Variants in SPATA7 observed in about 807,000 individuals in gnomAD.
SPATA7 encodes spermatogenesis-associated protein 7.
Under a neutral mutation model 51.8 loss-of-function variants are expected in SPATA7, and 43 were observed. That is an observed-to-expected ratio of 0.83 (90% CI 0.65 to 1.07). The LOEUF (loss-of-function observed/expected upper bound fraction) is 1.07. Ranked by LOEUF, SPATA7 falls within the 50% of genes least tolerant of loss-of-function variation. The pLI, the probability that SPATA7 is intolerant of heterozygous loss-of-function variation, is 0.00. For synonymous variants in SPATA7, 230 were observed against 252.8 expected, an observed-to-expected ratio of 0.91 and a Z score of 0.86; for missense variants, 683 against 701.3, an observed-to-expected ratio of 0.97 and a Z score of 0.30.
chr14:88,457,004 T>C (rs2140056299), downstream of SPATA7, among the ~76,000 whole-genome samples: 1 of 152,330 alleles, frequency 6.6e-6, no homozygotes. Flanking sequence ...TTTGTTGTTT[T>C]TGTCAGGTTT....
At chr14:88,426,170 C>G (rs2076785254) in intron 5 of SPATA7, 62 bp from the exon 6 acceptor site, 6 of 1,236,956 alleles carry the variant, frequency 4.9e-6, no homozygotes, top group South Asian at 1.3e-5. Flanking sequence ...TGTATAATCT[C>G]AAAATCCCCA....
chr14:88,412,358 G>T (rs775831468), intron 4 of SPATA7, among the ~76,000 whole-genome samples: 19 of 151,954 alleles, frequency 1.3e-4, no homozygotes, highest in Non-Finnish European at 2.4e-4. Flanking sequence ...ACAATAGGCC[G>T]TCTGCAGGCT....
chr14:88,402,978 A>AC (rs2076108824), intron 4 of SPATA7, among the ~76,000 whole-genome samples: 2 of 151,168 alleles, frequency 1.3e-5, no homozygotes, highest in African/African-American at 2.4e-5. Context: ...AAAAAAAAAA[A>AC]AAAAACCCAA....
At chr14:88,416,654 C>A in intron 4 of SPATA7, 57 bp from the exon 5 acceptor site, 3 of 1,588,716 alleles carry the variant, frequency 1.9e-6, no homozygotes, top group Non-Finnish European at 2.6e-6. Flanking sequence ...CTAACAAGAC[C>A]AAAAAACCAA....
intron 5 of SPATA7, among the ~76,000 whole-genome samples, chr14:88,417,912 A>G (rs1490485093): frequency 6.6e-6 from 1 of 152,152 alleles, no homozygotes; most frequent in African/African-American, 2.4e-5. Context: ...AATTTGGTGG[A>G]ACTCAACATT....
At chr14:88,402,974 A>C (rs998893957) in intron 4 of SPATA7, among the ~76,000 whole-genome samples, 1 of 147,884 alleles carries the variant, frequency 6.8e-6, no homozygotes, top group Admixed American at 6.6e-5. Context: ...AAAAAAAAAA[A>C]AAAAAAAAAC....
downstream of SPATA7, among the ~76,000 whole-genome samples, chr14:88,441,002 C>G (rs1238988152): frequency 6.6e-6 from 1 of 152,130 alleles, no homozygotes; most frequent in East Asian, 1.9e-4. Context: ...CCTCAGCCCC[C>G]AAAGTCCATT....
downstream of SPATA7, among the ~76,000 whole-genome samples, chr14:88,456,264 A>G (rs1443576644): frequency 2.6e-5 from 4 of 152,172 alleles, no homozygotes; most frequent in East Asian, 3.9e-4. Context: ...GGGTCAAATG[A>G]TATTTCTAGT....
chr14:88,387,623 T>G (rs2075617392), intron 1 of SPATA7, among the ~76,000 whole-genome samples: 1 of 152,212 alleles, frequency 6.6e-6, no homozygotes, highest in East Asian at 1.9e-4. Flanking sequence ...GTTTTAGACA[T>G]TCTTTTGTAA....
At chr14:88,449,139 C>G (rs2077234184) in intron 3 of SPATA7, among the ~76,000 whole-genome samples, 1 of 151,944 alleles carries the variant, frequency 6.6e-6, no homozygotes. Flanking sequence ...TTCTCTAACT[C>G]CTTGAGGTGT....
intron 3 of SPATA7, among the ~76,000 whole-genome samples, chr14:88,394,423 T>A (rs977434383): frequency 3.3e-5 from 5 of 152,180 alleles, no homozygotes. Context: ...TCGTTTTGGG[T>A]CTGGCTTTTT....
intron 5 of SPATA7, among the ~76,000 whole-genome samples, chr14:88,422,481 A>G (rs1404141386): frequency 1.3e-5 from 2 of 151,686 alleles, no homozygotes; most frequent in East Asian, 3.9e-4. Flanking sequence ...ATTATTCAGC[A>G]TGAGTATAAA....
At chr14:88,417,480 G>A (rs56169855) in intron 5 of SPATA7, among the ~76,000 whole-genome samples, 5,324 of 151,674 alleles carry the variant, frequency 0.035, 302 homozygotes, top group African/African-American at 0.12. Context: ...TAATTTTTGT[G>A]TTTTCAGTAG....
intron 4 of SPATA7, among the ~76,000 whole-genome samples, chr14:88,399,324 A>G (rs757832717): frequency 6.6e-6 from 1 of 152,132 alleles, no homozygotes; most frequent in African/African-American, 2.4e-5. Context: ...TCCCTTTTCT[A>G]TTCTTTTTAT....
Position 88,389,248 on chromosome 14 carries a change from G to A in SPATA7, c.20-2133G>A, listed in dbSNP as rs191927184. Among the ~76,000 whole-genome samples the A allele has an allele frequency of 1.1e-3, 161 of 147,258 alleles. 2 individuals carry two copies. The East Asian group carries it at 0.024, about 22-fold the overall frequency. On this transcript the variant is annotated intron_variant, in intron 1 of 11. Coordinates refer to ENST00000393545, the MANE Select transcript of SPATA7 (RefSeq NM_018418.5). ...CTTTCTCTTTCTTTTTTCTTTTTTC[G>A]AGACAGGGTCTTATTCTGTTACCCA...
At chr14:88,387,024 TATCTC>T (rs2075599177) in intron 1 of SPATA7, among the ~76,000 whole-genome samples, 1 of 152,230 alleles carries the variant, frequency 6.6e-6, no homozygotes, top group African/African-American at 2.4e-5. Flanking sequence ...ATTTCCAAAT[TATCTC>T]ATTTAATGTA....
At chr14:88,433,309 T>C (rs950811723) in intron 10 of SPATA7, 97 bp downstream of exon 10, 14 of 833,302 alleles carry the variant, frequency 1.7e-5, no homozygotes, top group Non-Finnish European at 2.6e-5. Flanking sequence ...TATTTTCCCA[T>C]ATTAGGAAAT....
chr14:88,429,113 T>C (rs2076871980), intron 7 of SPATA7: 1 of 299,076 alleles, frequency 3.3e-6, no homozygotes, highest in African/African-American at 2.2e-5. Context: ...TGGCAATTTC[T>C]TAATGTCATT....
chr14:88,430,015 A>T (rs961917972), intron 8 of SPATA7, among the ~76,000 whole-genome samples: 7 of 151,874 alleles, frequency 4.6e-5, no homozygotes. Context: ...ACTACTCATC[A>T]TGTTGAGTAA....
Sources: allele counts gnomAD v4.1 joint callset (sites outside exome capture counted in the v4.1 genomes callset), GRCh38; gene constraint gnomAD v4.1.1; transcripts MANE v1.5; gene names NCBI Gene and HGNC (gene_info 2026-07-23, HGNC 2026-07-21).